MYO9A: variants seen among roughly 807,000 people sequenced by gnomAD.
MYO9A encodes myosin IXA.
In MYO9A, 103 loss-of-function variants were observed where a neutral mutation model predicts 293.3. That is an observed-to-expected ratio of 0.35 (90% CI 0.30 to 0.41). The LOEUF (loss-of-function observed/expected upper bound fraction) is 0.41. Among genes scored for constraint, MYO9A ranks in the 10% least tolerant of loss-of-function variants. The pLI, the probability that MYO9A is intolerant of heterozygous loss-of-function variation, is 1.00. For missense variants in MYO9A, 2,685 were observed against 3,033.0 expected (o/e 0.89, Z 2.69); for synonymous variants, 1,001 against 1,035.7 (o/e 0.97, Z 0.64).
intron 32 of MYO9A, among the ~76,000 whole-genome samples, chr15:71,874,635 G>A (rs1461116660): frequency 6.6e-6 from 1 of 152,204 alleles, no homozygotes; most frequent in Non-Finnish European, 1.5e-5. Flanking sequence ...CGGGAGAAGA[G>A]TATAAGAAGG....
At chr15:72,021,599 T>C (rs969257320) in intron 4 of MYO9A, among the ~76,000 whole-genome samples, 2 of 152,130 alleles carry the variant, frequency 1.3e-5, no homozygotes, top group African/African-American at 4.8e-5. Flanking sequence ...CTCTACAAGA[T>C]TCAATTCGGA....
Position 71,994,395 on chromosome 15 carries a change from T to C in MYO9A, c.1587+74A>G. ...ATTACTCTATATAATTCTGTGTTTT[T>C]AAATTTCATGTATTAACCAGTTTAT... is the stretch of plus-strand genomic sequence containing the variant. On this transcript the variant is annotated intron_variant, in intron 10 of 41. Coordinates refer to ENST00000356056, the MANE Select transcript of MYO9A (RefSeq NM_006901.4). 4 of 908,252 alleles carry C rather than the reference T, an allele frequency of 4.4e-6. No individual in the cohort carries two copies. In the South Asian group the frequency reaches 7.7e-5, roughly 18 times the overall value. The allele number at this position is 908,252 out of a possible 1,614,324, so 56.3% of individuals were successfully genotyped here. A position where few individuals can be genotyped will look rare whatever the true frequency, so the allele number is the denominator to read the frequency against.
At chr15:71,864,724 C>T (rs1310892691) in intron 32 of MYO9A, among the ~76,000 whole-genome samples, 4 of 152,038 alleles carry the variant, frequency 2.6e-5, no homozygotes, top group Non-Finnish European at 5.9e-5. Context: ...AAGCCACATG[C>T]AAAAACCACA....
Position 72,007,813 on chromosome 15 carries a change from T to C in MYO9A, c.1380+13A>G. 6.3e-7 allele frequency: 1 copy of C among 1,596,082 alleles called. No homozygotes were observed. Among genetic ancestry groups the C allele is most frequent in the Non-Finnish European group, 8.5e-7 (1 of 1,174,982 alleles). On this transcript the variant is annotated intron_variant, in intron 8 of 41. Coordinates refer to ENST00000356056, the MANE Select transcript of MYO9A (RefSeq NM_006901.4). ...AAAGATTTGAAATGACAACTGAAAA[T>C]GTAATCACTCACCTCTAATAATTCT...
intron 39 of MYO9A, among the ~76,000 whole-genome samples, chr15:71,844,888 A>ATACTT (rs1439349599): frequency 2.6e-5 from 4 of 152,210 alleles, no homozygotes; most frequent in African/African-American, 9.6e-5. Flanking sequence ...GAAAGTCATG[A>ATACTT]TACTTTATGA....
At chr15:72,025,367 A>C (rs186174035) in intron 4 of MYO9A, among the ~76,000 whole-genome samples, 1 of 152,222 alleles carries the variant, frequency 6.6e-6, no homozygotes, top group Admixed American at 6.5e-5. Flanking sequence ...TGAGCAAAAA[A>C]ACTTTTTTTT....
intron 35 of MYO9A, chr15:71,852,488 G>A (rs571401287): frequency 2.1e-5 from 6 of 286,702 alleles, no homozygotes; most frequent in African/African-American, 8.9e-5. Context: ...CTCAGCCTCC[G>A]GAGTAGCTGG....
intron 26 of MYO9A, chr15:71,888,514 T>C (rs565896370): frequency 6.5e-6 from 1 of 153,848 alleles, no homozygotes; most frequent in East Asian, 1.9e-4. Flanking sequence ...CTTAACTTGC[T>C]ATTATAAGTT....
At chr15:72,118,299 C>T (rs908473858), upstream of MYO9A, 60 of 259,898 alleles carry the variant, frequency 2.3e-4, no homozygotes, top group Non-Finnish European at 3.6e-5. Flanking sequence ...ATTTTTTCTT[C>T]TTCACCTTAC....
chr15:72,097,684 C>A (rs992776089), intron 1 of MYO9A, among the ~76,000 whole-genome samples: 9 of 152,140 alleles, frequency 5.9e-5, no homozygotes, highest in Admixed American at 5.9e-4. Flanking sequence ...CCAAGGTGGG[C>A]GGATCATGAG....
At chr15:71,925,306 C>T (rs1053696534) in intron 18 of MYO9A, among the ~76,000 whole-genome samples, 2 of 147,932 alleles carry the variant, frequency 1.4e-5, no homozygotes, top group African/African-American at 2.5e-5. Flanking sequence ...TACATATATA[C>T]GTATATACGT....
chr15:72,080,406 C>T (rs1269830913), intron 1 of MYO9A, among the ~76,000 whole-genome samples: 1 of 150,456 alleles, frequency 6.6e-6, no homozygotes, highest in Non-Finnish European at 1.5e-5. Flanking sequence ...CATCATCTGC[C>T]ATTTACAGAG....
chr15:71,867,569 A>G (rs1371638010), intron 32 of MYO9A, among the ~76,000 whole-genome samples: 1 of 151,758 alleles, frequency 6.6e-6, no homozygotes, highest in Non-Finnish European at 1.5e-5. Flanking sequence ...AAGAAAAATG[A>G]GTAACGAACA....
At chr15:72,044,151 AATC>A in intron 2 of MYO9A, among the ~76,000 whole-genome samples, 1 of 152,180 alleles carries the variant, frequency 6.6e-6, no homozygotes, top group South Asian at 2.1e-4. Flanking sequence ...TCATGCCTGT[AATC>A]CCAGCACTTT....
At position 71,912,311 on chromosome 15, in the gene MYO9A, A is replaced by C. The variant is rs2057880299; in HGVS notation, c.2685+4059T>G. ...CGCTCTTTTGTCCAGGCTGGAGTGC[A>C]GTGGTGCAATCTCAGCTCACTGCAA... On this transcript the variant is annotated intron_variant, in intron 19 of 41. Transcript: ENST00000356056. Among the ~76,000 whole-genome samples, 3 of 149,844 alleles carry C rather than the reference A, an allele frequency of 2.0e-5. No homozygotes were observed. The South Asian group carries it at 6.3e-4, about 31-fold the overall frequency.
chr15:71,898,432 T>C lies in MYO9A; in HGVS notation c.4071A>G (p.Pro1357=), dbSNP rs1462776374. 31 of 1,613,828 alleles carry C rather than the reference T, an allele frequency of 1.9e-5. No homozygotes were observed. The highest frequency in any genetic ancestry group is 2.5e-5 in the Non-Finnish European group (30 of 1,180,020). ...VISDEGDLQF[P]SPKISSSPKF... ...TTGGACTGCTGGATATCTTAGGTGA[T>C]GGAAACTGCAAGTCTCCTTCATCTG... Residue 1357 remains proline, a synonymous_variant, in exon 25 of 42, where the codon CCA becomes CCG. Transcript: ENST00000356056.
intron 40 of MYO9A, among the ~76,000 whole-genome samples, chr15:71,828,329 T>C (rs2054591782): frequency 6.6e-6 from 1 of 152,164 alleles, no homozygotes; most frequent in African/African-American, 2.4e-5. Flanking sequence ...AAGCAGGAGA[T>C]CAGGGCTCTA....
At chr15:71,903,202 T>C (rs2143709805) in intron 21 of MYO9A, 139 bp from the exon 22 acceptor site, 1 of 697,174 alleles carries the variant, frequency 1.4e-6, no homozygotes, top group Non-Finnish European at 2.2e-6. Context: ...ATTTAAGATA[T>C]GATAAAAGGT....
intron 22 of MYO9A, 82 bp from the exon 23 acceptor site, chr15:71,901,422 GC>G: frequency 4.3e-6 from 6 of 1,399,724 alleles, no homozygotes; most frequent in Non-Finnish European, 5.8e-6. Context: ...TCTGTGATAA[GC>G]TTTTAGAGAA....
Sources: gnomAD v4.1 joint callset for allele counts (sites outside exome capture counted in the v4.1 genomes callset) on GRCh38, gnomAD v4.1.1 for gene constraint, MANE v1.5 for transcripts, NCBI Gene and HGNC (gene_info 2026-07-23, HGNC 2026-07-21) for gene names.